CHST8: variants seen among roughly 807,000 people sequenced by gnomAD.
CHST8 encodes carbohydrate sulfotransferase 8.
CHST8 carries 10 observed loss-of-function variants against 15.0 expected under a neutral mutation model. That is an observed-to-expected ratio of 0.67 (90% CI 0.41 to 1.13). CHST8 has a LOEUF of 1.13. CHST8 is among the 50% of genes most tolerant of loss of function. The pLI is 0.00. For synonymous variants in CHST8, 259 were observed against 256.6 expected, an observed-to-expected ratio of 1.01 and a Z score of -0.09; for missense variants, 634 against 608.2, an observed-to-expected ratio of 1.04 and a Z score of -0.45.
intron 1 of CHST8, among the ~76,000 whole-genome samples, chr19:33,666,335 A>G (rs907364554): frequency 6.6e-6 from 1 of 152,236 alleles, no homozygotes; most frequent in Non-Finnish European, 1.5e-5. Context: ...GCAGAGAAAC[A>G]GTCACTAGCA....
intron 1 of CHST8, among the ~76,000 whole-genome samples, chr19:33,662,597 G>A (rs1972601859): frequency 2.6e-5 from 4 of 152,176 alleles, no homozygotes; most frequent in African/African-American, 4.8e-5. Context: ...CCAGCGTTAC[G>A]CATTGACCAG....
In CHST8 at chr19:33,640,201, G is replaced by A. The variant is rs186842338; in HGVS notation, c.-164+17905G>A. On this transcript the variant is annotated intron_variant, in intron 1 of 4. Transcript: ENST00000650847. ...AATGTCAGAAATCTTACCTATAGGA[G>A]CAATGGGGGTGACCACGGCCAGGAT... is the stretch of plus-strand genomic sequence containing the variant. Among the ~76,000 whole-genome samples the A allele has an allele frequency of 2.0e-3, 309 of 152,344 alleles. 2 individuals are homozygous for A. The highest frequency in any genetic ancestry group is 0.011 in the South Asian group (52 of 4,826).
At chr19:33,698,227 A>T (rs1973259425) in intron 3 of CHST8, among the ~76,000 whole-genome samples, 1 of 152,130 alleles carries the variant, frequency 6.6e-6, no homozygotes, top group Non-Finnish European at 1.5e-5. Flanking sequence ...TAGTTCTTTT[A>T]AAAGAACTAC....
chr19:33,749,423 A>C (rs1974373134), intron 3 of CHST8, among the ~76,000 whole-genome samples: 5 of 31,392 alleles, frequency 1.6e-4, no homozygotes, highest in South Asian at 1.2e-3. Context: ...TCCCCCCTCC[A>C]TCCTCCCCAT....
In CHST8 at chr19:33,773,368, G is replaced by C. The variant is rs897696560; in HGVS notation, c.*305G>C. On this transcript the variant is annotated 3_prime_UTR_variant, in exon 5 of 5. Transcript: ENST00000650847. ...CAGGGAAGTCTGAGGCCCAGAGGAC[G>C]GGGGGCCCAGCGGTAAGGGATGTCC... 7.2e-6 allele frequency: 3 copies of C among 418,334 alleles called. No homozygotes were observed. The highest frequency in any genetic ancestry group is 4.2e-5 in the Admixed American group (1 of 24,020). The allele number at this position is 418,334 out of a possible 1,614,324, so 25.9% of individuals were successfully genotyped here. A position where few individuals can be genotyped will look rare whatever the true frequency, so the allele number is the denominator to read the frequency against.
intron 3 of CHST8, among the ~76,000 whole-genome samples, chr19:33,718,661 T>C (rs1159752855): frequency 1.3e-5 from 2 of 152,254 alleles, no homozygotes; most frequent in Admixed American, 6.5e-5. Flanking sequence ...GCTGTCATTA[T>C]GCTGGGATCT....
At position 33,689,397 on chromosome 19, in the gene CHST8, T is replaced by A; in HGVS notation, c.130+6T>A. 6.3e-7 allele frequency: 1 copy of A among 1,579,312 alleles called. No homozygotes were observed. Among genetic ancestry groups the A allele is most frequent in the Non-Finnish European group, 8.6e-7 (1 of 1,166,284 alleles). ...CGCCCCCCAGCAGGTGCCAGGTGAG[T>A]CCTTGCGCTGAGTCCTGCCATCACT... On this transcript the variant is annotated splice_donor_region_variant and intron_variant, in intron 3 of 4. Coordinates refer to ENST00000650847, the MANE Select transcript of CHST8 (RefSeq NM_001127895.2).
At chr19:33,691,616 T>C (rs1973100518) in intron 3 of CHST8, among the ~76,000 whole-genome samples, 1 of 152,230 alleles carries the variant, frequency 6.6e-6, no homozygotes, top group Non-Finnish European at 1.5e-5. Flanking sequence ...ATCTTTCAAG[T>C]GAAACAATCC....
At chr19:33,652,134 A>G (rs917613656) in intron 1 of CHST8, among the ~76,000 whole-genome samples, 7 of 151,900 alleles carry the variant, frequency 4.6e-5, no homozygotes, top group Non-Finnish European at 8.8e-5. Context: ...CTAGTGAATT[A>G]TTTCCTTTTT....
intron 1 of CHST8, among the ~76,000 whole-genome samples, chr19:33,641,334 C>CTTCTTGAGGTCAGGCCCTTCTT (rs1972281092): frequency 1.3e-5 from 2 of 152,140 alleles, no homozygotes; most frequent in Non-Finnish European, 2.9e-5. Context: ...GTTTCTGGCC[C>CTTCTTGAGGTCAGGCCCTTCTT]GAGACCCCTT....
At chr19:33,734,867 CCAAG>C (rs1311876609) in intron 3 of CHST8, among the ~76,000 whole-genome samples, 1 of 152,152 alleles carries the variant, frequency 6.6e-6, no homozygotes, top group Admixed American at 6.5e-5. Flanking sequence ...CTGTTGACAA[CCAAG>C]TCTCCTGCAC....
intron 3 of CHST8, among the ~76,000 whole-genome samples, chr19:33,731,740 ATGAT>A (rs529367082): frequency 6.6e-6 from 1 of 152,310 alleles, no homozygotes; most frequent in South Asian, 2.1e-4. Flanking sequence ...TATGCAAACA[ATGAT>A]TGAGATGAGG....
intron 1 of CHST8, among the ~76,000 whole-genome samples, chr19:33,643,885 T>C (rs1281441920): frequency 5.3e-5 from 8 of 152,238 alleles, no homozygotes; most frequent in Non-Finnish European, 1.5e-5. Context: ...AAGTTTACTA[T>C]TTATCCTTAC....
At chr19:33,634,138 C>G (rs1257631814) in intron 1 of CHST8, among the ~76,000 whole-genome samples, 2 of 152,106 alleles carry the variant, frequency 1.3e-5, no homozygotes, top group Non-Finnish European at 2.9e-5. Flanking sequence ...GGACTGTTTT[C>G]TAAAGGGGTC....
chr19:33,674,269 T>A (rs1244792388), intron 2 of CHST8, among the ~76,000 whole-genome samples: 1 of 152,160 alleles, frequency 6.6e-6, no homozygotes, highest in Non-Finnish European at 1.5e-5. Context: ...CCTGTCAGCT[T>A]ATTGCCAGGT....
At chr19:33,669,083 C>T (rs188254449) in intron 2 of CHST8, among the ~76,000 whole-genome samples, 9 of 152,302 alleles carry the variant, frequency 5.9e-5, no homozygotes, top group African/African-American at 2.2e-4. Flanking sequence ...TAAGCAGAAT[C>T]GTTCCCATCA....
At chr19:33,750,218 G>C (rs1219969743) in intron 3 of CHST8, among the ~76,000 whole-genome samples, 1 of 152,202 alleles carries the variant, frequency 6.6e-6, no homozygotes, top group Non-Finnish European at 1.5e-5. Context: ...GGGTCAGCAG[G>C]GTTGGGAGGA....
intron 3 of CHST8, among the ~76,000 whole-genome samples, chr19:33,757,391 AAAG>A (rs1568358119): frequency 2.9e-3 from 14 of 4,906 alleles, no homozygotes; most frequent in Non-Finnish European, 5.5e-3. Flanking sequence ...AAAAAAGAAG[AAAG>A]AAAGAAAGAA....
chr19:33,676,727 A>G (rs1972814731), intron 2 of CHST8, among the ~76,000 whole-genome samples: 1 of 151,274 alleles, frequency 6.6e-6, no homozygotes, highest in Non-Finnish European at 1.5e-5. Flanking sequence ...ATTTTTGAAA[A>G]TTAGCTGGGT....
Sources: allele counts gnomAD v4.1 joint callset (sites outside exome capture counted in the v4.1 genomes callset), GRCh38; gene constraint gnomAD v4.1.1; transcripts MANE v1.5; gene names NCBI Gene and HGNC (gene_info 2026-07-23, HGNC 2026-07-21).